Variants in CACHD1 observed in about 807,000 individuals in gnomAD.
CACHD1 encodes cache domain containing 1, also known as VWFA and cache domain-containing protein 1.
CACHD1 carries 71 observed loss-of-function variants against 138.7 expected under a neutral mutation model. That is an observed-to-expected ratio of 0.51 (90% CI 0.42 to 0.62). The LOEUF (loss-of-function observed/expected upper bound fraction) is 0.62. CACHD1 is among the 20% of genes least tolerant of loss of function. CACHD1 has a pLI of 0.00. For synonymous variants in CACHD1, 578 were observed against 591.5 expected (o/e 0.98, Z 0.33); for missense variants, 1,389 against 1,625.3 (o/e 0.85, Z 2.50).
chr1:64,562,517 T>C (rs4915984), intron 2 of CACHD1, among the ~76,000 whole-genome samples: 122,102 of 150,018 alleles, frequency 0.81, 51,728 homozygotes, highest in South Asian at 0.94. Flanking sequence ...TCAAGCAATT[T>C]CCCTGCCTCA....
In CACHD1 at chr1:64,691,441, T is replaced by A. The variant is rs757444167; in HGVS notation, c.3705T>A (p.Pro1235=). The A allele has an allele frequency of 1.2e-6, 2 of 1,614,074 alleles. No homozygotes were observed. The highest frequency in any genetic ancestry group is 1.7e-6 in the Non-Finnish European group (2 of 1,180,004). Residue 1235 remains proline, a synonymous_variant, in exon 27 of 27, where the codon CCT becomes CCA. Transcript: ENST00000651257. ...HDEDLDLDTP[P]QTAALLSHKF... ...AGGACTTAGACCTGGATACCCCCCC[T>A]CAGACTGCTGCCCTACTAAGTCACA... is the stretch of plus-strand genomic sequence containing the variant.
chr1:64,518,396 A>G (rs1255643363), intron 1 of CACHD1, among the ~76,000 whole-genome samples: 2 of 152,088 alleles, frequency 1.3e-5, no homozygotes, highest in Admixed American at 1.3e-4. Flanking sequence ...TCAACCCATC[A>G]TCTAGATTTT....
intron 9 of CACHD1, 35 bp downstream of exon 9, chr1:64,648,069 G>A (rs1389742272): frequency 6.6e-7 from 1 of 1,507,540 alleles, no homozygotes; most frequent in Non-Finnish European, 9.1e-7. Flanking sequence ...AAAGGAAGGG[G>A]AAAAGAACTG....
intron 1 of CACHD1, among the ~76,000 whole-genome samples, chr1:64,478,590 C>T (rs899329549): frequency 2.6e-5 from 4 of 152,200 alleles, no homozygotes; most frequent in African/African-American, 9.7e-5. Flanking sequence ...TGATACAGGA[C>T]ATCCAGTGCC....
chr1:64,520,117 T>A (rs1453082608), intron 1 of CACHD1, among the ~76,000 whole-genome samples: 1 of 152,226 alleles, frequency 6.6e-6, no homozygotes, highest in Non-Finnish European at 1.5e-5. Flanking sequence ...AGAGGAGAGT[T>A]CTGTTATCTT....
At chr1:64,680,675 C>G (rs1001529455) in intron 24 of CACHD1, among the ~76,000 whole-genome samples, 1 of 152,114 alleles carries the variant, frequency 6.6e-6, no homozygotes, top group African/African-American at 2.4e-5. Context: ...TTGACCTGAC[C>G]TTTTTGGAGG....
In CACHD1 at chr1:64,470,977, T is replaced by G. The variant is rs1646140334; in HGVS notation, c.198+35T>G. ...CCCCGAGCTGGCCAGACATCCCGCC[T>G]TTCTCCTTTGCTCAAACTCCCATCC... On this transcript the variant is annotated intron_variant, in intron 1 of 26. Coordinates refer to ENST00000651257, the MANE Select transcript of CACHD1 (RefSeq NM_020925.4). The surrounding 1 kb of genome is among the most constrained non-coding windows in gnomAD (Gnocchi z 5.2). The G allele has an allele frequency of 1.3e-6, 2 of 1,551,206 alleles. No individual in the cohort carries two copies. The highest frequency in any genetic ancestry group is 2.4e-5 in the East Asian group (1 of 42,460).
chr1:64,544,621 G>T (rs559391973), intron 1 of CACHD1, among the ~76,000 whole-genome samples: 1 of 147,306 alleles, frequency 6.8e-6, no homozygotes, highest in South Asian at 2.2e-4. Context: ...CACACACCAA[G>T]ATGTTTGTCT....
At chr1:64,617,685 T>C (rs1174976675) in intron 4 of CACHD1, among the ~76,000 whole-genome samples, 1 of 152,158 alleles carries the variant, frequency 6.6e-6, no homozygotes, top group Non-Finnish European at 1.5e-5. Context: ...GCATGATCAA[T>C]GTGGTGGCAG....
At chr1:64,667,618 A>C (rs982843977) in intron 16 of CACHD1, among the ~76,000 whole-genome samples, 1 of 152,238 alleles carries the variant, frequency 6.6e-6, no homozygotes, top group Non-Finnish European at 1.5e-5. Flanking sequence ...GTGACTTGTC[A>C]TGCCTCCCAT....
In CACHD1 at chr1:64,470,890, C is replaced by T. The variant is rs369981595; in HGVS notation, c.146C>T (p.Ala49Val). ...FSILDEAQVL[A>V]SQMRRLAAEE... ...ATCCTGGACGAGGCGCAAGTGCTGG[C>T]GAGCCAGATGCGGAGGCTGGCGGCC... The change falls in exon 1 of 27, where the codon GCG becomes GTG. Residue 49 changes from alanine (A) to valine (V), a missense_variant. Around this residue, in one of 5 missense-constraint regions of CACHD1, gnomAD observed 1,000 missense variants for 1,114.7 expected, o/e 0.90. Coordinates refer to ENST00000651257, the MANE Select transcript of CACHD1 (RefSeq NM_020925.4). The surrounding 1 kb of genome is among the most constrained non-coding windows in gnomAD (Gnocchi z 5.2). The T allele has an allele frequency of 1.2e-6, 2 of 1,608,610 alleles. No individual in the cohort carries two copies. The highest frequency in any genetic ancestry group is 1.7e-5 in the Admixed American group (1 of 59,704).
chr1:64,634,287 G>A (rs1309159083), intron 7 of CACHD1, 27 bp downstream of exon 7: 2 of 1,555,388 alleles, frequency 1.3e-6, no homozygotes, highest in Admixed American at 1.7e-5. Flanking sequence ...AGAGGACTTA[G>A]AGGCATAGTA....
At chr1:64,507,709 A>T (rs982364863) in intron 1 of CACHD1, among the ~76,000 whole-genome samples, 1 of 152,238 alleles carries the variant, frequency 6.6e-6, no homozygotes, top group African/African-American at 2.4e-5. Flanking sequence ...GTGAGAATGG[A>T]AATTCAGCTC....
chr1:64,587,555 C>A (rs1013798667), intron 3 of CACHD1, among the ~76,000 whole-genome samples: 1 of 152,130 alleles, frequency 6.6e-6, no homozygotes, highest in Non-Finnish European at 1.5e-5. Context: ...CTGCACAAGA[C>A]GCTGCCTAGT....
At chr1:64,600,104 G>A (rs1647198010) in intron 3 of CACHD1, among the ~76,000 whole-genome samples, 1 of 152,114 alleles carries the variant, frequency 6.6e-6, no homozygotes, top group Non-Finnish European at 1.5e-5. Flanking sequence ...AAATGGGTAG[G>A]AGAAAGGGTT....
At chr1:64,533,612 A>G (rs1168989618) in intron 1 of CACHD1, among the ~76,000 whole-genome samples, 3 of 152,232 alleles carry the variant, frequency 2.0e-5, no homozygotes, top group Non-Finnish European at 4.4e-5. Flanking sequence ...GTAAACATGC[A>G]GTACAATTGT....
intron 3 of CACHD1, among the ~76,000 whole-genome samples, chr1:64,602,470 A>ATTTTTT (rs10694627): frequency 2.4e-4 from 30 of 125,214 alleles, no homozygotes; most frequent in East Asian, 1.2e-3. Flanking sequence ...CTCCCATCTG[A>ATTTTTT]TTTTTTTTTT....
At chr1:64,606,131 G>A (rs12746076) in intron 4 of CACHD1, among the ~76,000 whole-genome samples, 134 of 97,834 alleles carry the variant, frequency 1.4e-3, no homozygotes, top group African/African-American at 4.4e-3. Context: ...ACACACACAC[G>A]CACACACACG....
rs1422034142 is a variant in CACHD1 at position 64,634,188 on chromosome 1, C to T, written c.934C>T (p.Gln312Ter). 1 of 1,613,868 alleles carries T rather than the reference C, an allele frequency of 6.2e-7. No homozygotes were observed. The highest frequency in any genetic ancestry group is 2.2e-5 in the East Asian group (1 of 44,842). The change falls in exon 7 of 27, where the codon CAG (glutamine) becomes TAG (stop). Residue 312 changes from glutamine (Q) to a stop codon, truncating the protein, a stop_gained. Coordinates refer to ENST00000651257, the MANE Select transcript of CACHD1 (RefSeq NM_020925.4). LOFTEE classifies it high-confidence loss of function. ...CGTGAAGTCTTCAGACAGTCCTACCCAGCACGCAGTGGGATTCCAAAAGGC... is the reference window on the plus strand; with the variant it reads ...CGTGAAGTCTTCAGACAGTCCTACCTAGCACGCAGTGGGATTCCAAAAGGC... ...SSVKSSDSPT[Q>*]HAVGFQKAFQ...
Sources: allele counts gnomAD v4.1 joint callset (sites outside exome capture counted in the v4.1 genomes callset), GRCh38; gene constraint gnomAD v4.1.1; regional missense constraint gnomAD v4.1.1; non-coding constraint Gnocchi (gnomAD v3.1); transcripts MANE v1.5; gene names NCBI Gene and HGNC (gene_info 2026-07-23, HGNC 2026-07-21).